Variants in HYAL4 observed in about 807,000 individuals in gnomAD.
The protein encoded by HYAL4 is hyaluronidase-4.
A neutral mutation model predicts 35.2 loss-of-function variants in HYAL4; 37 were observed. That is an observed-to-expected ratio of 1.05 (90% CI 0.81 to 1.38). The LOEUF (loss-of-function observed/expected upper bound fraction) is 1.38. Among genes scored for constraint, HYAL4 ranks in the 40% most tolerant of loss-of-function variants. The probability of loss-of-function intolerance (pLI) is 0.00; values close to 1 mark genes in which losing one functional copy is unlikely to be tolerated. For synonymous variants in HYAL4, 198 were observed against 203.2 expected (o/e 0.97, Z 0.22); for missense variants, 572 against 572.4 (o/e 1.00, Z 0.01).
intron 2 of HYAL4, among the ~76,000 whole-genome samples, chr7:123,850,888 T>C (rs1473633767): frequency 3.9e-5 from 6 of 152,184 alleles, no homozygotes; most frequent in Admixed American, 6.5e-5. Flanking sequence ...AATTTCCTTA[T>C]TGTATTAGGA....
the HYAL4 span, among the ~76,000 whole-genome samples, chr7:123,777,911 C>A: frequency 6.8e-6 from 1 of 147,520 alleles, no homozygotes; most frequent in Non-Finnish European, 1.5e-5. Flanking sequence ...GGGCAAAATT[C>A]TTCGTTAGTT....
At chr7:123,797,120 G>A in the HYAL4 span, among the ~76,000 whole-genome samples, 2 of 152,124 alleles carry the variant, frequency 1.3e-5, no homozygotes, top group African/African-American at 4.8e-5. Flanking sequence ...TATTCATATG[G>A]GGGCAAAGTC....
At chr7:123,786,600 T>C in the HYAL4 span, among the ~76,000 whole-genome samples, 2 of 152,124 alleles carry the variant, frequency 1.3e-5, no homozygotes, top group Non-Finnish European at 2.9e-5. Flanking sequence ...GGGGAAACAT[T>C]AAAGTAATCA....
chr7:123,867,596 G>A (rs1162017184), intron 2 of HYAL4, among the ~76,000 whole-genome samples: 1 of 152,076 alleles, frequency 6.6e-6, no homozygotes, highest in Non-Finnish European at 1.5e-5. Flanking sequence ...TATTCTTTGG[G>A]ATAGTTGGGC....
At chr7:123,787,961 A>G in the HYAL4 span, among the ~76,000 whole-genome samples, 1 of 152,094 alleles carries the variant, frequency 6.6e-6, no homozygotes, top group African/African-American at 2.4e-5. Flanking sequence ...TGAGGATAAG[A>G]GCTTTGTTTC....
intron 1 of HYAL4, among the ~76,000 whole-genome samples, chr7:123,847,420 T>C (rs1806197753): frequency 6.6e-6 from 1 of 152,206 alleles, no homozygotes; most frequent in Non-Finnish European, 1.5e-5. Context: ...GGATGATACC[T>C]AATACTCTAT....
At chr7:123,832,522 CAG>C (rs1299086518) in intron 1 of HYAL4, among the ~76,000 whole-genome samples, 2 of 66,398 alleles carry the variant, frequency 3.0e-5, no homozygotes, top group Non-Finnish European at 5.3e-5. Context: ...TTTTTTGAGA[CAG>C]AGTCTCGCTC....
chr7:123,865,040 C>G (rs942693855), intron 2 of HYAL4, among the ~76,000 whole-genome samples: 3 of 150,008 alleles, frequency 2.0e-5, no homozygotes, highest in African/African-American at 7.3e-5. Context: ...CTTTCAACTA[C>G]AGTGTCTTCC....
At chr7:123,804,209 G>A in the HYAL4 span, among the ~76,000 whole-genome samples, 6 of 152,164 alleles carry the variant, frequency 3.9e-5, no homozygotes, top group African/African-American at 1.2e-4. Flanking sequence ...TTTTTGTAAC[G>A]AAGTATATGG....
At chr7:123,823,740 T>C in the HYAL4 span, among the ~76,000 whole-genome samples, 7 of 143,772 alleles carry the variant, frequency 4.9e-5, no homozygotes, top group African/African-American at 1.8e-4. Flanking sequence ...TATATATATA[T>C]ATATACACAC....
chr7:123,781,797 TAAAC>T, the HYAL4 span, among the ~76,000 whole-genome samples: 2 of 152,254 alleles, frequency 1.3e-5, no homozygotes, highest in Admixed American at 6.5e-5. Flanking sequence ...TACCTGTTAT[TAAAC>T]AAAGTTTAAG....
chr7:123,872,873 C>A (rs899887893), intron 3 of HYAL4, among the ~76,000 whole-genome samples: 2 of 152,212 alleles, frequency 1.3e-5, no homozygotes, highest in Non-Finnish European at 2.9e-5. Flanking sequence ...AAACTGACAG[C>A]AACCTCAGAA....
At chr7:123,825,625 C>G (rs573985674), upstream of HYAL4, among the ~76,000 whole-genome samples, 1 of 151,898 alleles carries the variant, frequency 6.6e-6, no homozygotes, top group African/African-American at 2.4e-5. Flanking sequence ...GCTGACTATG[C>G]CCCAAGAATC....
the HYAL4 span, among the ~76,000 whole-genome samples, chr7:123,817,155 C>G: frequency 6.6e-6 from 1 of 152,108 alleles, no homozygotes; most frequent in Non-Finnish European, 1.5e-5. Context: ...CAGATTGCAC[C>G]ATTGGTCATC....
chr7:123,846,287 G>A (rs770883685), intron 1 of HYAL4, among the ~76,000 whole-genome samples: 2 of 152,000 alleles, frequency 1.3e-5, no homozygotes, highest in Non-Finnish European at 2.9e-5. Context: ...AGGCATGTGT[G>A]AGTTCAGACT....
At chr7:123,862,869 A>G (rs1806605649) in intron 2 of HYAL4, among the ~76,000 whole-genome samples, 1 of 152,092 alleles carries the variant, frequency 6.6e-6, no homozygotes, top group Non-Finnish European at 1.5e-5. Context: ...CATCTTTCCC[A>G]TCTCATTTAC....
At position 123,869,011 on chromosome 7, in the gene HYAL4, T is replaced by C. The variant is rs548699856; in HGVS notation, c.738T>C (p.Asn246=). The C allele has an allele frequency of 6.4e-5, 104 of 1,613,488 alleles. No individual in the cohort carries two copies. The South Asian group carries it at 1.1e-3, about 18-fold the overall frequency. Reference sequence around the variant, plus strand: ...CAGAAGACGAAGTCTTGAGGAACAATGAGCTCTCTTGGCTCTGGAACAGCA... The same window carrying C: ...CAGAAGACGAAGTCTTGAGGAACAACGAGCTCTCTTGGCTCTGGAACAGCA... ...SCPEDEVLRN[N]ELSWLWNSSA... is the part of the protein sequence containing the mutation. Residue 246 remains asparagine, a synonymous_variant, in exon 3 of 5, where the codon AAT becomes AAC. Coordinates refer to ENST00000223026, the MANE Select transcript of HYAL4 (RefSeq NM_012269.3).
intron 1 of HYAL4, among the ~76,000 whole-genome samples, chr7:123,839,249 TC>T (rs35739074): frequency 0.1 from 15,397 of 152,170 alleles, 1,005 homozygotes; most frequent in Non-Finnish European, 0.14. Context: ...TGGTTTTCCA[TC>T]CCTGTGATAG....
chr7:123,850,533 C>T (rs1343637873), intron 2 of HYAL4, among the ~76,000 whole-genome samples: 8 of 152,112 alleles, frequency 5.3e-5, no homozygotes, highest in African/African-American at 1.4e-4. Context: ...AGCCACCGTG[C>T]GACTCTACTT....
Sources: gnomAD v4.1 joint callset for allele counts (sites outside exome capture counted in the v4.1 genomes callset) on GRCh38, gnomAD v4.1.1 for gene constraint, MANE v1.5 for transcripts, NCBI Gene and HGNC (gene_info 2026-07-23, HGNC 2026-07-21) for gene names.